SLIT3: variants seen among roughly 807,000 people sequenced by gnomAD.
SLIT3 encodes slit guidance ligand 3, also known as slit homolog 3 protein.
In SLIT3, 68 loss-of-function variants were observed where a neutral mutation model predicts 184.0. That is an observed-to-expected ratio of 0.37 (90% CI 0.30 to 0.45). The LOEUF (loss-of-function observed/expected upper bound fraction) is 0.45, where lower values mean the gene tolerates loss of function less well. Ranked by LOEUF, SLIT3 falls within the 20% of genes least tolerant of loss-of-function variation. The pLI is 1.00. For synonymous variants in SLIT3, 831 were observed against 828.6 expected, an observed-to-expected ratio of 1.00 and a Z score of -0.05; for missense variants, 1,707 against 2,026.0, an observed-to-expected ratio of 0.84 and a Z score of 3.02.
chr5:169,093,670 T>C (rs1479911195), intron 4 of SLIT3, among the ~76,000 whole-genome samples: 1 of 152,194 alleles, frequency 6.6e-6, no homozygotes, highest in African/African-American at 2.4e-5. Context: ...TAATATATTA[T>C]TGTTAGAATT....
At chr5:168,673,061 C>T (rs1043360752) in intron 33 of SLIT3, 116 bp downstream of exon 33, 12 of 933,524 alleles carry the variant, frequency 1.3e-5, no homozygotes, top group Admixed American at 6.3e-5. Context: ...AGATCAGCTT[C>T]GTTGTCCCTT....
intron 4 of SLIT3, among the ~76,000 whole-genome samples, chr5:168,996,323 T>C (rs922971443): frequency 1.3e-5 from 2 of 152,064 alleles, no homozygotes; most frequent in African/African-American, 4.8e-5. Flanking sequence ...ACATCTGAGC[T>C]CCAACTATCC....
intron 4 of SLIT3, among the ~76,000 whole-genome samples, chr5:169,176,987 T>C (rs1366564301): frequency 6.6e-6 from 1 of 152,194 alleles, no homozygotes; most frequent in Non-Finnish European, 1.5e-5. Flanking sequence ...GAGGTTTAGA[T>C]TTATAGGCAT....
At chr5:168,988,564 C>CA (rs1220529150) in intron 4 of SLIT3, among the ~76,000 whole-genome samples, 2 of 152,120 alleles carry the variant, frequency 1.3e-5, no homozygotes, top group African/African-American at 4.8e-5. Context: ...GACGTTCCCT[C>CA]AAAAGAGCTT....
chr5:169,039,317 G>GTTT (rs201685130), intron 4 of SLIT3, among the ~76,000 whole-genome samples: 2 of 131,814 alleles, frequency 1.5e-5, no homozygotes, highest in Non-Finnish European at 1.6e-5. Context: ...TTTTTTTTGT[G>GTTT]TTTTTTTTTT....
chr5:168,831,430 G>T (rs561059423), intron 6 of SLIT3, among the ~76,000 whole-genome samples: 1 of 152,088 alleles, frequency 6.6e-6, no homozygotes, highest in African/African-American at 2.4e-5. Context: ...CCTGTGGACC[G>T]TTTAAATTAA....
At chr5:169,276,926 C>T (rs1766827182) in intron 1 of SLIT3, among the ~76,000 whole-genome samples, 1 of 152,070 alleles carries the variant, frequency 6.6e-6, no homozygotes, top group African/African-American at 2.4e-5. Flanking sequence ...ATAAGTTTTG[C>T]CATTTTAACT....
chr5:168,947,508 A>T (rs1438186202), intron 4 of SLIT3, among the ~76,000 whole-genome samples: 4 of 152,064 alleles, frequency 2.6e-5, no homozygotes, highest in Non-Finnish European at 4.4e-5. Context: ...GCATAGGAAG[A>T]AAAAAAACAG....
rs185548085 is a variant in SLIT3, at chr5:169,139,363, C to T, written c.413+54116G>A. Among the ~76,000 whole-genome samples the T allele has an allele frequency of 6.9e-3, 1,045 of 152,318 alleles. 29 individuals are homozygous for T. In the South Asian group the frequency reaches 0.072, roughly 11 times the overall value. On this transcript the variant is annotated intron_variant, in intron 4 of 35. Transcript: ENST00000519560. ...TGGAATATTTATTGAGAATTTACTA[C>T]GCATCAAGTTTTTGCAAACTACTTT...
chr5:169,238,543 C>CTTTTTTTT (rs71698425), intron 3 of SLIT3, among the ~76,000 whole-genome samples: 3 of 117,134 alleles, frequency 2.6e-5, no homozygotes, highest in East Asian at 2.5e-4. Flanking sequence ...AGTGAAATAG[C>CTTTTTTTT]TTTTTTTTTT....
intron 18 of SLIT3, among the ~76,000 whole-genome samples, chr5:168,750,414 G>C (rs921163354): frequency 2.6e-5 from 4 of 152,238 alleles, no homozygotes; most frequent in Admixed American, 6.5e-5. Flanking sequence ...CTCACATGAG[G>C]AAAGTGAAGC....
At chr5:168,791,137 G>A (rs1192930483) in intron 10 of SLIT3, 1 of 152,268 alleles carries the variant, frequency 6.6e-6, no homozygotes, top group Admixed American at 6.5e-5. Context: ...CAGCATGGCT[G>A]CCTATGCAAA....
intron 1 of SLIT3, among the ~76,000 whole-genome samples, chr5:169,271,516 C>G (rs1249533404): frequency 6.6e-6 from 1 of 152,170 alleles, no homozygotes; most frequent in African/African-American, 2.4e-5. Context: ...GGTGCTGGTG[C>G]ACGGGGCATT....
At chr5:168,667,284 A>G (rs1246371736) in intron 35 of SLIT3, among the ~76,000 whole-genome samples, 1 of 152,206 alleles carries the variant, frequency 6.6e-6, no homozygotes, top group Non-Finnish European at 1.5e-5. Flanking sequence ...TTAAGTGAAT[A>G]TATTTAATAA....
At chr5:169,247,448 C>T (rs1179446162) in intron 2 of SLIT3, among the ~76,000 whole-genome samples, 1 of 152,134 alleles carries the variant, frequency 6.6e-6, no homozygotes, top group East Asian at 1.9e-4. Flanking sequence ...CAAGGACCAA[C>T]TCTAGGGTAT....
chr5:168,912,563 G>C (rs1293073795), intron 4 of SLIT3, among the ~76,000 whole-genome samples: 1 of 152,120 alleles, frequency 6.6e-6, no homozygotes, highest in Non-Finnish European at 1.5e-5. Context: ...GTGACTCAGG[G>C]CTCTGCCATT....
intron 4 of SLIT3, among the ~76,000 whole-genome samples, chr5:168,907,651 A>G (rs556208540): frequency 1.3e-5 from 2 of 152,258 alleles, no homozygotes; most frequent in South Asian, 2.1e-4. Flanking sequence ...TGAAAGAAAT[A>G]CATATAGCAT....
chr5:169,076,965 T>C (rs1218905857), intron 4 of SLIT3, among the ~76,000 whole-genome samples: 3 of 150,724 alleles, frequency 2.0e-5, no homozygotes, highest in Non-Finnish European at 3.0e-5. Flanking sequence ...CACACACACA[T>C]ACACACACAC....
intron 8 of SLIT3, among the ~76,000 whole-genome samples, chr5:168,810,386 A>C (rs1280148853): frequency 6.6e-6 from 1 of 152,230 alleles, no homozygotes; most frequent in Admixed American, 6.5e-5. Context: ...AGGTGGCCTT[A>C]ACTCAGAGCA....
Sources: gnomAD v4.1 joint callset for allele counts (sites outside exome capture counted in the v4.1 genomes callset) on GRCh38, gnomAD v4.1.1 for gene constraint, MANE v1.5 for transcripts, NCBI Gene and HGNC (gene_info 2026-07-23, HGNC 2026-07-21) for gene names.